Variants in TRIM66 observed in about 807,000 individuals in gnomAD.
TRIM66 encodes tripartite motif-containing protein 66.
TRIM66 carries 99 observed loss-of-function variants against 148.2 expected under a neutral mutation model. That is an observed-to-expected ratio of 0.67 (90% CI 0.57 to 0.79). The LOEUF is 0.79. Among genes scored for constraint, TRIM66 ranks in the 30% least tolerant of loss-of-function variants. The pLI is 0.00. For missense variants in TRIM66, 1,666 were observed against 1,697.9 expected (o/e 0.98, Z 0.33); for synonymous variants, 616 against 635.9 (o/e 0.97, Z 0.47).
chr11:8,645,126 C>T (rs1030746469), intron 12 of TRIM66, among the ~76,000 whole-genome samples: 2 of 152,176 alleles, frequency 1.3e-5, no homozygotes, highest in Non-Finnish European at 2.9e-5. Context: ...CCACTGATTT[C>T]CTGGTGACTC....
chr11:8,631,755 T>C (rs937363891), intron 15 of TRIM66, among the ~76,000 whole-genome samples: 5 of 152,218 alleles, frequency 3.3e-5, no homozygotes, highest in Admixed American at 6.5e-5. Context: ...GAAAACCATA[T>C]ATTTAAGCTT....
chr11:8,627,327 T>C (rs1035518097), intron 15 of TRIM66, among the ~76,000 whole-genome samples: 1 of 152,246 alleles, frequency 6.6e-6, no homozygotes, highest in Non-Finnish European at 1.5e-5. Context: ...AGCTTAGGTC[T>C]ACTGACAACT....
Position 8,671,939 on chromosome 11 carries a change from C to T in TRIM66, c.187G>A (p.Ala63Thr), listed in dbSNP as rs1565575972. ...KHCPKSGQME[A>T]MVMTCSLCHQ... Reference sequence around the variant, plus strand: ...CACAATGAGCAGGTCATTACCATGGCCTCCATCTGTCCACTCTTAGGGCAG... The same window carrying T: ...CACAATGAGCAGGTCATTACCATGGTCTCCATCTGTCCACTCTTAGGGCAG... Residue 63 changes from alanine to threonine, a missense_variant, in exon 6 of 25, where the codon GCC becomes ACC. This residue lies in a region of TRIM66 where 1,431 missense variants were observed against 1,412.4 expected (regional missense o/e 1.01). Coordinates refer to ENST00000646038, the MANE Select transcript of TRIM66 (RefSeq NM_001388022.1). The T allele has an allele frequency of 1.3e-6, 2 of 1,536,162 alleles. No homozygotes were observed. Among genetic ancestry groups the T allele is most frequent in the Non-Finnish European group, 1.7e-6 (2 of 1,146,912 alleles).
At position 8,646,517 on chromosome 11, in the gene TRIM66, A is replaced by AT; in HGVS notation, c.886dup (p.Ile296AsnfsTer11). ...CATCAGAACCATCTTGGCCATTTTGATCTGGTTTTCCACCTTCCTATGCTG... is the reference window on the plus strand; with the variant it reads ...CATCAGAACCATCTTGGCCATTTTGATTCTGGTTTTCCACCTTCCTATGCTG... On this transcript the variant is annotated frameshift_variant, in exon 11 of 25. Transcript: ENST00000646038. LOFTEE classifies it high-confidence loss of function. The AT allele has an allele frequency of 6.4e-7, 1 of 1,552,058 alleles. No homozygotes were observed. Among genetic ancestry groups the AT allele is most frequent in the South Asian group, 1.2e-5 (1 of 84,058 alleles).
chr11:8,678,649 G>A (rs1404773845), intron 3 of TRIM66, among the ~76,000 whole-genome samples: 1 of 152,152 alleles, frequency 6.6e-6, no homozygotes, highest in African/African-American at 2.4e-5. Context: ...TGGAAAAAAA[G>A]CAGAAACACT....
rs1203555724 is a variant in TRIM66 at position 8,622,373 on chromosome 11, T to C, written c.3080+443A>G. 5.1e-3 allele frequency among the ~76,000 whole-genome samples: 274 copies of C among 53,688 alleles called. 1 individual carries two copies. Among genetic ancestry groups the C allele is most frequent in the South Asian group, 7.6e-3 (14 of 1,842 alleles). The allele number at this position is 53,688 out of a possible 152,430, so 35.2% of individuals were successfully genotyped here. On this transcript the variant is annotated intron_variant, in intron 18 of 24. Transcript: ENST00000646038. ...ACACACACACACACACACATATATA[T>C]ATATATATATCTCCTACTTGTTCTG...
intron 3 of TRIM66, among the ~76,000 whole-genome samples, chr11:8,675,989 A>G (rs1216458110): frequency 1.3e-5 from 2 of 152,188 alleles, no homozygotes; most frequent in Non-Finnish European, 2.9e-5. Flanking sequence ...CACCCGCCTC[A>G]GCTTCCCAAA....
intron 1 of TRIM66, 143 bp downstream of exon 1, chr11:8,682,458 T>G: frequency 2.7e-6 from 1 of 370,752 alleles, no homozygotes; most frequent in Non-Finnish European, 5.0e-6. Context: ...AACGAGGCCC[T>G]TAGGGTCGGC....
At chr11:8,618,647 T>C (rs2033902355) in intron 24 of TRIM66, 103 bp downstream of exon 24, 1 of 1,129,044 alleles carries the variant, frequency 8.9e-7, no homozygotes, top group Non-Finnish European at 1.3e-6. Flanking sequence ...GTCACCACCA[T>C]CTTTTTGCAC....
chr11:8,655,007 C>G (rs2037696031), intron 6 of TRIM66, among the ~76,000 whole-genome samples: 1 of 152,004 alleles, frequency 6.6e-6, no homozygotes. Context: ...ATTACAGGCA[C>G]CTGCCACTAC....
intron 18 of TRIM66, among the ~76,000 whole-genome samples, chr11:8,622,062 T>C (rs948878297): frequency 6.6e-6 from 1 of 151,888 alleles, no homozygotes; most frequent in African/African-American, 2.4e-5. Flanking sequence ...TCTAATCAGC[T>C]GCCAGCAAAT....
chr11:8,659,542 T>C (rs1050679596), intron 6 of TRIM66, among the ~76,000 whole-genome samples: 2 of 152,204 alleles, frequency 1.3e-5, no homozygotes, highest in African/African-American at 4.8e-5. Context: ...TCATGTTATC[T>C]ATACCTTCCT....
At chr11:8,681,724 A>T (rs922666920) in intron 1 of TRIM66, among the ~76,000 whole-genome samples, 3 of 151,738 alleles carry the variant, frequency 2.0e-5, no homozygotes, top group Admixed American at 6.6e-5. Context: ...AGTGTGGATT[A>T]AAAAAAACAG....
At position 8,674,140 on chromosome 11, in the gene TRIM66, G is replaced by A. The variant is rs113119137; in HGVS notation, c.-112+666C>T. Among the ~76,000 whole-genome samples, 1,083 of 152,276 alleles carry A rather than the reference G, an allele frequency of 7.1e-3. 5 individuals carry two copies. Among genetic ancestry groups the A allele is most frequent in the Non-Finnish European group, 0.013 (890 of 68,028 alleles). On this transcript the variant is annotated intron_variant, in intron 4 of 24. Coordinates refer to ENST00000646038, the MANE Select transcript of TRIM66 (RefSeq NM_001388022.1). ...GGGCCAGTAGTTCTCAAACTTTTTG[G>A]TCTTGGGAATCCCTTTACATATGTT...
intron 16 of TRIM66, 59 bp from the exon 17 acceptor site, chr11:8,624,610 G>C: frequency 1.3e-6 from 2 of 1,487,066 alleles, no homozygotes; most frequent in South Asian, 1.4e-5. Context: ...GTCATTAGTG[G>C]TCTCAGAACT....
intron 5 of TRIM66, 51 bp from the exon 6 acceptor site, chr11:8,672,149 A>C: frequency 6.5e-7 from 1 of 1,529,402 alleles, no homozygotes; most frequent in Non-Finnish European, 8.7e-7. Context: ...AGCAGAAAAA[A>C]ATCTTAGGCC....
intron 17 of TRIM66, 139 bp downstream of exon 17, chr11:8,624,220 A>G (rs2141876431): frequency 1.0e-6 from 1 of 958,560 alleles, no homozygotes; most frequent in Non-Finnish European, 1.5e-6. Flanking sequence ...GTTCCGGAGG[A>G]GAGAAGTAAA....
chr11:8,617,460 A>G lies in TRIM66; in HGVS notation c.*484T>C, dbSNP rs1027818551. 2.5e-5 allele frequency: 4 copies of G among 156,952 alleles called. No homozygotes were observed. The highest frequency in any genetic ancestry group is 9.6e-5 in the African/African-American group (4 of 41,564). The allele number at this position is 156,952 out of a possible 1,614,324, so 9.7% of individuals were successfully genotyped here. A position where few individuals can be genotyped will look rare whatever the true frequency, so the allele number is the denominator to read the frequency against. On this transcript the variant is annotated 3_prime_UTR_variant, in exon 25 of 25. Transcript: ENST00000646038. ...ATCCAGACAGGACAAGCAAAGGCAA[A>G]CAGTGACAGTCTTTGGCTGTGCTGG...
At chr11:8,647,089 CATATAAT>C (rs1337827741) in intron 10 of TRIM66, among the ~76,000 whole-genome samples, 1 of 148,048 alleles carries the variant, frequency 6.8e-6, no homozygotes. Context: ...AAACAATAAA[CATATAAT>C]ATAATGTTTA....
Sources: allele counts gnomAD v4.1 joint callset (sites outside exome capture counted in the v4.1 genomes callset), GRCh38; gene constraint gnomAD v4.1.1; regional missense constraint gnomAD v4.1.1; transcripts MANE v1.5; gene names NCBI Gene and HGNC (gene_info 2026-07-23, HGNC 2026-07-21).